UBE2F: variants seen among roughly 807,000 people sequenced by gnomAD.
The protein encoded by UBE2F is NEDD8-conjugating enzyme UBE2F.
In UBE2F, 5 loss-of-function variants were observed where a neutral mutation model predicts 29.6. That is an observed-to-expected ratio of 0.17 (90% CI 0.09 to 0.36). UBE2F has a LOEUF of 0.36. Among genes scored for constraint, UBE2F ranks in the 10% least tolerant of loss-of-function variants. UBE2F has a pLI of 1.00. For synonymous variants in UBE2F, 66 were observed against 81.8 expected (o/e 0.81, Z 1.04); for missense variants, 141 against 228.5 (o/e 0.62, Z 2.47).
Position 237,967,032 on chromosome 2 carries a change from G to GGGAGCCGGTGCGGCTGTGA in UBE2F, c.-114_-96dup, listed in dbSNP as rs2063067301. 3 of 1,283,032 alleles carry GGGAGCCGGTGCGGCTGTGA rather than the reference G, an allele frequency of 2.3e-6. No homozygotes were observed. Among genetic ancestry groups the GGGAGCCGGTGCGGCTGTGA allele is most frequent in the Non-Finnish European group, 2.0e-6 (2 of 1,011,754 alleles). The allele number at this position is 1,283,032 out of a possible 1,614,324, so 79.5% of individuals were successfully genotyped here. The stretch of plus-strand genomic sequence containing the variant: ...CCCCGCCACTTCCGGTCCCGCCGCC[G>GGGAGCCGGTGCGGCTGTGA]GGAGCCGGTGCGGCTGTGAGGGGCC... On this transcript the variant is annotated 5_prime_UTR_variant, in exon 1 of 10. Transcript: ENST00000272930. This position sits in a 1 kb window ranked among gnomAD's most constrained non-coding sequence, Gnocchi z 6.3.
At chr2:237,968,843 G>C in intron 1 of UBE2F, 1 of 985,300 alleles carries the variant, frequency 1.0e-6, no homozygotes, top group Middle Eastern at 5.2e-4. Flanking sequence ...AGGAAGTTTT[G>C]TTTTAAACCA....
chr2:238,015,537 T>C (rs1321341894), intron 4 of UBE2F, among the ~76,000 whole-genome samples: 3 of 152,092 alleles, frequency 2.0e-5, no homozygotes, highest in Non-Finnish European at 4.4e-5. Flanking sequence ...TAATGCCAGT[T>C]TTAACTACTA....
At chr2:238,009,385 G>C (rs746341986) in intron 4 of UBE2F, among the ~76,000 whole-genome samples, 1 of 152,064 alleles carries the variant, frequency 6.6e-6, no homozygotes, top group African/African-American at 2.4e-5. Context: ...TTACTTCTAC[G>C]TGTAAATTAT....
chr2:237,983,672 G>A (rs943013483), intron 2 of UBE2F, among the ~76,000 whole-genome samples: 1 of 152,044 alleles, frequency 6.6e-6, no homozygotes, highest in South Asian at 2.1e-4. Context: ...GAATTGTGCT[G>A]CAGCTGTTTT....
intron 4 of UBE2F, among the ~76,000 whole-genome samples, chr2:238,006,305 T>A (rs980236115): frequency 1.3e-5 from 2 of 152,120 alleles, no homozygotes; most frequent in Non-Finnish European, 2.9e-5. Context: ...TCATAAGGGA[T>A]CTTCTCCATC....
intron 2 of UBE2F, 40 bp downstream of exon 2, chr2:237,973,265 C>T (rs1275059687): frequency 1.3e-6 from 2 of 1,589,134 alleles, no homozygotes; most frequent in Non-Finnish European, 8.6e-7. Flanking sequence ...TATCCTATAA[C>T]AAAAGGAAGT....
chr2:237,973,889 T>A (rs1216000870), intron 2 of UBE2F: 1 of 226,622 alleles, frequency 4.4e-6, no homozygotes, highest in Non-Finnish European at 8.2e-6. Flanking sequence ...TCAAGTGCTT[T>A]GAAGTCGGTT....
At position 238,022,290 on chromosome 2, in the gene UBE2F, T is replaced by G. The variant is rs143886430; in HGVS notation, c.283-3052T>G. On this transcript the variant is annotated intron_variant, in intron 5 of 9. Transcript: ENST00000272930. ...ATTCAAGCATTATATTTTCATTTCTTAAGTCGGATGCTGAATAGTATTTCC... is the reference window on the plus strand; with the variant it reads ...ATTCAAGCATTATATTTTCATTTCTGAAGTCGGATGCTGAATAGTATTTCC... Among the ~76,000 whole-genome samples, 280 of 152,230 alleles carry G rather than the reference T, an allele frequency of 1.8e-3. 2 individuals carry two copies. The highest frequency in any genetic ancestry group is 6.4e-3 in the African/African-American group (265 of 41,522).
intron 1 of UBE2F, among the ~76,000 whole-genome samples, chr2:237,972,272 C>A (rs901867998): frequency 6.6e-6 from 1 of 152,206 alleles, no homozygotes; most frequent in Non-Finnish European, 1.5e-5. Context: ...GAGTGGTGCT[C>A]CTCTTCCACC....
intron 4 of UBE2F, chr2:238,003,240 G>A: frequency 2.9e-6 from 1 of 344,808 alleles, no homozygotes; most frequent in Non-Finnish European, 6.0e-6. Flanking sequence ...TAAAAATACA[G>A]ATGCCAATTT....
chr2:238,020,418 G>A lies in UBE2F; in HGVS notation c.282+3785G>A, dbSNP rs184889572. Among the ~76,000 whole-genome samples the A allele has an allele frequency of 4.2e-3, 644 of 152,250 alleles. 11 individuals carry two copies. Among genetic ancestry groups the A allele is most frequent in the East Asian group, 7.2e-3 (37 of 5,164 alleles). On this transcript the variant is annotated intron_variant, in intron 5 of 9. Coordinates refer to ENST00000272930, the MANE Select transcript of UBE2F (RefSeq NM_080678.3). ...GGGCACCAGGTGGGTCAGTGAGAAC[G>A]GATACAGCAGCCAGTGCGGAGCCTA...
chr2:237,973,718 G>GTCTAGAAACATAT, intron 2 of UBE2F: 1 of 1,284,536 alleles, frequency 7.8e-7, no homozygotes, highest in Non-Finnish European at 1.0e-6. Flanking sequence ...TAGTGTTCTA[G>GTCTAGAAACATAT]AGTTTTCGTG....
intron 8 of UBE2F, chr2:238,032,797 C>T (rs2064614907): frequency 6.5e-6 from 1 of 153,208 alleles, no homozygotes; most frequent in Non-Finnish European, 1.5e-5. Flanking sequence ...AAATAGCCCA[C>T]CGTGCAAACA....
At position 238,041,319 on chromosome 2, in the gene UBE2F, T is replaced by A. The variant is rs761294425; in HGVS notation, c.539T>A (p.Ile180Asn). 6.2e-7 allele frequency: 1 copy of A among 1,613,950 alleles called. No homozygotes were observed. Among genetic ancestry groups the A allele is most frequent in the East Asian group, 2.2e-5 (1 of 44,878 alleles). ...EDFRNKVDDY[I>N]KRYAR Reference sequence around the variant, plus strand: ...TTCCGGAATAAAGTGGATGACTACATCAAACGTTATGCCAGATGATAAAAG... The same window carrying A: ...TTCCGGAATAAAGTGGATGACTACAACAAACGTTATGCCAGATGATAAAAG... The change falls in exon 10 of 10, where the codon ATC (isoleucine) becomes AAC (asparagine). Residue 180 changes from isoleucine (I) to asparagine (N), a missense_variant. Ile to Asn is a moderately radical substitution (Grantham distance 149). Coordinates refer to ENST00000272930, the MANE Select transcript of UBE2F (RefSeq NM_080678.3).
intron 2 of UBE2F, among the ~76,000 whole-genome samples, chr2:237,985,536 T>C (rs2063464207): frequency 6.6e-6 from 1 of 152,258 alleles, no homozygotes; most frequent in South Asian, 2.1e-4. Context: ...CAGGATCTCT[T>C]TTTTAAGGCT....
chr2:237,967,167 A>C lies in UBE2F; in HGVS notation c.-17+35A>C, dbSNP rs894672672. 1 of 1,170,264 alleles carries C rather than the reference A, an allele frequency of 8.5e-7. No homozygotes were observed. Among genetic ancestry groups the C allele is most frequent in the Admixed American group, 4.7e-5 (1 of 21,142 alleles). The allele number at this position is 1,170,264 out of a possible 1,614,324, so 72.5% of individuals were successfully genotyped here. ...GACCGTGCGGCTCTGCGGCGGGGCG[A>C]GGTGCGGCCGCCGGTGCACGGGCTG... On this transcript the variant is annotated intron_variant, in intron 1 of 9. Transcript: ENST00000272930. The surrounding 1 kb of genome is among the most constrained non-coding windows in gnomAD (Gnocchi z 6.3).
intron 6 of UBE2F, among the ~76,000 whole-genome samples, chr2:238,029,906 G>T (rs1216870576): frequency 6.6e-6 from 1 of 151,684 alleles, no homozygotes; most frequent in African/African-American, 2.4e-5. Context: ...TACTCCTGTT[G>T]TCATGTTGTC....
intron 9 of UBE2F, among the ~76,000 whole-genome samples, chr2:238,038,601 A>AT (rs1398432292): frequency 6.6e-6 from 1 of 152,210 alleles, no homozygotes; most frequent in East Asian, 1.9e-4. Context: ...GATGTCTTCC[A>AT]TTTTACCTTT....
intron 6 of UBE2F, among the ~76,000 whole-genome samples, chr2:238,028,735 T>C (rs1271212689): frequency 6.6e-6 from 1 of 152,260 alleles, no homozygotes; most frequent in Non-Finnish European, 1.5e-5. Flanking sequence ...ATTCAAACTC[T>C]ACATATTTTT....
Sources: allele counts gnomAD v4.1 joint callset (sites outside exome capture counted in the v4.1 genomes callset), GRCh38; gene constraint gnomAD v4.1.1; non-coding constraint Gnocchi (gnomAD v3.1); transcripts MANE v1.5; gene names NCBI Gene and HGNC (gene_info 2026-07-23, HGNC 2026-07-21).